Variants in TGM6 observed in about 807,000 individuals in gnomAD.
TGM6 encodes the protein transglutaminase 6, also known as protein-glutamine gamma-glutamyltransferase 6.
A neutral mutation model predicts 77.5 loss-of-function variants in TGM6; 74 were observed. The observed-to-expected ratio is 0.96, with a 90% CI of 0.79 to 1.16. The LOEUF (loss-of-function observed/expected upper bound fraction) is 1.16. Ranked by LOEUF, TGM6 falls within the 50% of genes most tolerant of loss-of-function variation. TGM6 has a pLI of 0.00. For synonymous variants in TGM6, 383 were observed against 378.9 expected, an observed-to-expected ratio of 1.01 and a Z score of -0.12; for missense variants, 968 against 940.2, an observed-to-expected ratio of 1.03 and a Z score of -0.39.
intron 10 of TGM6, among the ~76,000 whole-genome samples, chr20:2,417,827 A>G (rs1406230699): frequency 6.6e-6 from 1 of 152,186 alleles, no homozygotes; most frequent in African/African-American, 2.4e-5. Context: ...GATGTGATTT[A>G]TAGTTTCTAT....
intron 1 of TGM6, among the ~76,000 whole-genome samples, chr20:2,386,568 C>T (rs565595292): frequency 6.6e-5 from 10 of 152,190 alleles, no homozygotes; most frequent in South Asian, 4.2e-4. Flanking sequence ...TAACATTGGG[C>T]GGTGAGTGAG....
intron 10 of TGM6, among the ~76,000 whole-genome samples, chr20:2,422,679 C>G (rs1172623865): frequency 6.6e-6 from 1 of 152,098 alleles, no homozygotes; most frequent in Non-Finnish European, 1.5e-5. Flanking sequence ...TACCTGTAAT[C>G]CCAGCACTTT....
chr20:2,423,220 C>T (rs886735997), intron 10 of TGM6, among the ~76,000 whole-genome samples: 7 of 151,810 alleles, frequency 4.6e-5, no homozygotes, highest in African/African-American at 1.5e-4. Context: ...CAACGAAATT[C>T]GCCACATTGA....
At chr20:2,385,536 G>A (rs1222189057) in intron 1 of TGM6, among the ~76,000 whole-genome samples, 1 of 152,304 alleles carries the variant, frequency 6.6e-6, no homozygotes, top group African/African-American at 2.4e-5. Flanking sequence ...GTGGGAGTGG[G>A]TGGTCAGTGG....
intron 1 of TGM6, among the ~76,000 whole-genome samples, chr20:2,387,525 T>C (rs1287854340): frequency 6.6e-6 from 1 of 152,160 alleles, no homozygotes; most frequent in Non-Finnish European, 1.5e-5. Flanking sequence ...TATCCCCATA[T>C]CATGATGCCA....
At chr20:2,429,480 A>G (rs28603365) in intron 10 of TGM6, among the ~76,000 whole-genome samples, 1 of 149,630 alleles carries the variant, frequency 6.7e-6, no homozygotes, top group African/African-American at 2.5e-5. Flanking sequence ...AAAAAAAAAA[A>G]CAAATATGGT....
At chr20:2,385,772 C>T (rs1296378410) in intron 1 of TGM6, among the ~76,000 whole-genome samples, 1 of 152,146 alleles carries the variant, frequency 6.6e-6, no homozygotes, top group African/African-American at 2.4e-5. Flanking sequence ...CTCCCCATTC[C>T]GTACCCCAGC....
chr20:2,403,516 T>C lies in TGM6; in HGVS notation c.1093+16T>C, dbSNP rs115126643. On this transcript the variant is annotated intron_variant, in intron 8 of 12. Coordinates refer to ENST00000202625, the MANE Select transcript of TGM6 (RefSeq NM_198994.3). ...GAGAGTGAAGGTACGCTCAATTGGG[T>C]GGGGTAAGTTCCAGACCCCTGCTTT... 9.5e-4 allele frequency: 1,538 copies of C among 1,614,082 alleles called. 8 individuals are homozygous for C. The African/African-American group carries it at 0.018, about 19-fold the overall frequency.
At chr20:2,428,422 C>T (rs1048226490) in intron 10 of TGM6, among the ~76,000 whole-genome samples, 4 of 152,110 alleles carry the variant, frequency 2.6e-5, no homozygotes, top group African/African-American at 7.2e-5. Context: ...CAAAGCTCTG[C>T]TCATGTGTAT....
intron 10 of TGM6, among the ~76,000 whole-genome samples, chr20:2,429,169 A>G (rs1445360941): frequency 6.6e-6 from 1 of 152,200 alleles, no homozygotes. Context: ...GGTTCTTCCA[A>G]TAATGACCTA....
chr20:2,428,196 G>T (rs79761224), intron 10 of TGM6, among the ~76,000 whole-genome samples: 2,005 of 152,290 alleles, frequency 0.013, 51 homozygotes, highest in African/African-American at 0.046. Context: ...TGAGAAGAAT[G>T]CGTATCCTGC....
intron 10 of TGM6, among the ~76,000 whole-genome samples, chr20:2,430,241 A>G (rs550437969): frequency 8.5e-5 from 13 of 152,232 alleles, no homozygotes; most frequent in Middle Eastern, 3.4e-3. Context: ...TTCTTGGTTT[A>G]CTTCCTATAT....
chr20:2,403,601 G>C lies in TGM6; in HGVS notation c.1114G>C (p.Ala372Pro). The C allele has an allele frequency of 6.2e-7, 1 of 1,614,126 alleles. No individual in the cohort carries two copies. The change falls in exon 9 of 13, where the codon GCC becomes CCC. Residue 372 changes from alanine to proline, a missense_variant. Ala to Pro is a conservative substitution (Grantham distance 27, BLOSUM62 -1). Coordinates refer to ENST00000202625, the MANE Select transcript of TGM6 (RefSeq NM_198994.3). ...CCCAGGTGTGTTCCGGTGCGGCCCA[G>C]CCTCAGTCACCGCCATCCGCGAGGG... ...ESEGVFRCGP[A>P]SVTAIREGDV...
In TGM6 at chr20:2,398,039, G is replaced by A; in HGVS notation, c.665G>A (p.Ser222Asn). The A allele has an allele frequency of 6.2e-7, 1 of 1,614,122 alleles. No homozygotes were observed. Among genetic ancestry groups the A allele is most frequent in the South Asian group, 1.1e-5 (1 of 91,064 alleles). Residue 222 changes from serine to asparagine, a missense_variant, in exon 5 of 13, where the codon AGT becomes AAT. Transcript: ENST00000202625. The part of the protein sequence containing the change: ...HNPIYVTRVI[S>N]AMVNSNNDRG... ...CCCATCTACGTCACCAGGGTCATCA[G>A]TGCCATGGTGAGAAGCCCCTCCATC...
chr20:2,414,062 T>C (rs953624057), intron 9 of TGM6, among the ~76,000 whole-genome samples: 6 of 151,530 alleles, frequency 4.0e-5, no homozygotes, highest in Non-Finnish European at 8.8e-5. Context: ...AAAAAAAAAA[T>C]AATTTTTTTT....
At chr20:2,391,024 C>G (rs948638071) in intron 1 of TGM6, among the ~76,000 whole-genome samples, 14 of 141,018 alleles carry the variant, frequency 9.9e-5, no homozygotes, top group Admixed American at 4.9e-4. Flanking sequence ...GTCGGGACTT[C>G]AACTCTGCTG....
rs2084917735 is a variant in TGM6, at chr20:2,430,611, C to A, written c.1833+11C>A. The stretch of plus-strand genomic sequence containing the variant: ...TTCATCACCATCAAGGTGACCTCAG[C>A]CTGCATCTACCATGCTGTTCCTAGT... On this transcript the variant is annotated intron_variant, in intron 11 of 12. Transcript: ENST00000202625. The A allele has an allele frequency of 1.2e-6, 2 of 1,613,884 alleles. No homozygotes were observed. The highest frequency in any genetic ancestry group is 1.7e-6 in the Non-Finnish European group (2 of 1,180,028).
chr20:2,410,035 A>C (rs1483064218), intron 9 of TGM6, among the ~76,000 whole-genome samples: 1 of 152,202 alleles, frequency 6.6e-6, no homozygotes, highest in African/African-American at 2.4e-5. Context: ...CAGCTCCTAA[A>C]ACTCTTGGAG....
chr20:2,409,309 A>G (rs1440601861), intron 9 of TGM6, among the ~76,000 whole-genome samples: 1 of 152,238 alleles, frequency 6.6e-6, no homozygotes, highest in Non-Finnish European at 1.5e-5. Flanking sequence ...CAATATGCCA[A>G]AATTTATAAG....
Sources: gnomAD v4.1 joint callset for allele counts (sites outside exome capture counted in the v4.1 genomes callset) on GRCh38, gnomAD v4.1.1 for gene constraint, MANE v1.5 for transcripts, NCBI Gene and HGNC (gene_info 2026-07-23, HGNC 2026-07-21) for gene names.